KAZN: variants seen among roughly 807,000 people sequenced by gnomAD.
KAZN encodes the protein kazrin, periplakin interacting protein.
Under a neutral mutation model 87.4 loss-of-function variants are expected in KAZN, and 40 were observed. The observed-to-expected ratio is 0.46, with a 90% CI of 0.36 to 0.60. The LOEUF is 0.60. Ranked by LOEUF, KAZN falls within the 20% of genes least tolerant of loss-of-function variation. KAZN has a pLI of 0.00. For synonymous variants in KAZN, 466 were observed against 458.3 expected, an observed-to-expected ratio of 1.02 and a Z score of -0.22; for missense variants, 898 against 1,073.9, an observed-to-expected ratio of 0.84 and a Z score of 2.29.
chr1:14,166,469 G>C (rs1264170934), intron 1 of KAZN, among the ~76,000 whole-genome samples: 1 of 152,168 alleles, frequency 6.6e-6, no homozygotes, highest in Non-Finnish European at 1.5e-5. Flanking sequence ...TCTCATCTAT[G>C]AAATGCGGGT....
chr1:14,621,515 C>T (rs921375419), intron 1 of KAZN, among the ~76,000 whole-genome samples: 1 of 152,246 alleles, frequency 6.6e-6, no homozygotes, highest in Non-Finnish European at 1.5e-5. Context: ...ACCACACTAA[C>T]TCCCCAAGGT....
chr1:14,281,529 C>A (rs1341247722), intron 2 of KAZN, among the ~76,000 whole-genome samples: 1 of 152,182 alleles, frequency 6.6e-6, no homozygotes, highest in Non-Finnish European at 1.5e-5. Context: ...AGCTCTGAAT[C>A]CTGCCTCATG....
chr1:14,830,351 G>T (rs1201318318), intron 1 of KAZN, among the ~76,000 whole-genome samples: 1 of 152,170 alleles, frequency 6.6e-6, no homozygotes, highest in African/African-American at 2.4e-5. Context: ...GCCCAACTTG[G>T]GTGACGTGTT....
chr1:14,369,752 A>C (rs961344043), intron 2 of KAZN, among the ~76,000 whole-genome samples: 2 of 152,194 alleles, frequency 1.3e-5, no homozygotes, highest in Admixed American at 1.3e-4. Flanking sequence ...ATGCAAAGTA[A>C]GCCCAACGTC....
At chr1:14,444,108 C>T (rs1361145984) in intron 2 of KAZN, among the ~76,000 whole-genome samples, 1 of 152,054 alleles carries the variant, frequency 6.6e-6, no homozygotes, top group Non-Finnish European at 1.5e-5. Flanking sequence ...TAATAGACTT[C>T]AAAGTATGGG....
At chr1:14,891,405 C>G (rs566464358) in intron 1 of KAZN, among the ~76,000 whole-genome samples, 1 of 152,244 alleles carries the variant, frequency 6.6e-6, no homozygotes, top group Non-Finnish European at 1.5e-5. Flanking sequence ...TGAGAACATA[C>G]AATGTTTGGG....
At chr1:14,325,176 CCT>C (rs140069030) in intron 2 of KAZN, among the ~76,000 whole-genome samples, 4,516 of 151,252 alleles carry the variant, frequency 0.03, 259 homozygotes, top group African/African-American at 0.1. Flanking sequence ...TTGTGCTCTC[CCT>C]CTCTCTCTCT....
Position 14,168,212 on chromosome 1 carries a change from G to A in KAZN, c.92-12223G>A, listed in dbSNP as rs16853671. ...TGTCAGAATCTACTTCTCACAGGGC[G>A]ACTTTATTGTAACGCATTTTCTTGC... On this transcript the variant is annotated intron_variant, in intron 1 of 16. Transcript: ENST00000636203. Among the ~76,000 whole-genome samples, 174 of 152,302 alleles carry A rather than the reference G, an allele frequency of 1.1e-3. 1 individual carries two copies. Among genetic ancestry groups the A allele is most frequent in the Middle Eastern group, 6.8e-3 (2 of 294 alleles).
At chr1:14,441,262 CAT>C (rs34569698) in intron 2 of KAZN, among the ~76,000 whole-genome samples, 80,135 of 149,294 alleles carry the variant, frequency 0.54, 21,799 homozygotes, top group Middle Eastern at 0.63. Context: ...TGAGAATACT[CAT>C]ATATATATAT....
At chr1:14,486,576 G>A (rs1458033158) in intron 2 of KAZN, among the ~76,000 whole-genome samples, 1 of 152,186 alleles carries the variant, frequency 6.6e-6, no homozygotes, top group Non-Finnish European at 1.5e-5. Context: ...TGTTTTATAA[G>A]AGGAGCTGGC....
At chr1:13,979,663 A>G (rs4662066) in intron 1 of KAZN, among the ~76,000 whole-genome samples, 137,366 of 152,234 alleles carry the variant, frequency 0.9, 62,258 homozygotes, top group African/African-American at 0.95. Flanking sequence ...GTGTGATGGC[A>G]CACGCCTGTA....
intron 2 of KAZN, among the ~76,000 whole-genome samples, chr1:14,418,778 CCACT>C (rs1230108611): frequency 5.9e-5 from 9 of 152,216 alleles, no homozygotes; most frequent in East Asian, 1.9e-4. Flanking sequence ...GACCCTTCTC[CCACT>C]CAAAGTCATG....
At chr1:15,088,746 G>T (rs188367874) in intron 8 of KAZN, among the ~76,000 whole-genome samples, 12 of 152,144 alleles carry the variant, frequency 7.9e-5, no homozygotes, top group African/African-American at 2.9e-4. Context: ...CTGTCACGTC[G>T]TCTCGTTGGT....
chr1:14,876,110 A>G (rs1652738915), intron 1 of KAZN, among the ~76,000 whole-genome samples: 1 of 152,230 alleles, frequency 6.6e-6, no homozygotes, highest in African/African-American at 2.4e-5. Context: ...TGATCTTAAC[A>G]GATGTTAGGA....
At chr1:14,374,011 T>G (rs1660707345) in intron 2 of KAZN, among the ~76,000 whole-genome samples, 1 of 152,230 alleles carries the variant, frequency 6.6e-6, no homozygotes, top group Non-Finnish European at 1.5e-5. Context: ...TGCACATATT[T>G]AGTTCTTCGT....
intron 2 of KAZN, among the ~76,000 whole-genome samples, chr1:14,379,883 C>T (rs1661228191): frequency 1.3e-5 from 2 of 152,158 alleles, no homozygotes; most frequent in South Asian, 4.1e-4. Flanking sequence ...CAAACACAGG[C>T]AGTAGCCAAG....
intron 1 of KAZN, among the ~76,000 whole-genome samples, chr1:13,996,513 G>C (rs1325250075): frequency 6.6e-6 from 1 of 152,204 alleles, no homozygotes. Context: ...CTGAAGTCAG[G>C]GGAGGGAGGG....
intron 2 of KAZN, among the ~76,000 whole-genome samples, chr1:14,578,665 G>C (rs1675343200): frequency 6.6e-6 from 1 of 152,098 alleles, no homozygotes; most frequent in Non-Finnish European, 1.5e-5. Context: ...TGTTTCTTTG[G>C]GAGGAAATGG....
At chr1:15,072,852 G>A (rs1639574484) in intron 8 of KAZN, among the ~76,000 whole-genome samples, 1 of 152,162 alleles carries the variant, frequency 6.6e-6, no homozygotes, top group Non-Finnish European at 1.5e-5. Context: ...AGGGCCTGCT[G>A]AGCAATAGAA....
Sources: allele counts gnomAD v4.1 joint callset (sites outside exome capture counted in the v4.1 genomes callset), GRCh38; gene constraint gnomAD v4.1.1; transcripts MANE v1.5; gene names NCBI Gene and HGNC (gene_info 2026-07-23, HGNC 2026-07-21).